The following TONSL variants were observed in gnomAD, a reference collection of about 807,000 sequenced individuals.
TONSL encodes tonsoku like, DNA repair protein.
TONSL carries 112 observed loss-of-function variants against 147.1 expected under a neutral mutation model. The ratio of observed to expected loss-of-function variants is 0.76; its 90% confidence interval spans 0.65 to 0.89. The LOEUF is 0.89. Among genes scored for constraint, TONSL ranks in the 40% least tolerant of loss-of-function variants. The pLI, the probability that TONSL is intolerant of heterozygous loss-of-function variation, is 0.00. For missense variants in TONSL, 1,883 were observed against 1,864.6 expected (o/e 1.01, Z -0.18); for synonymous variants, 868 against 801.5 (o/e 1.08, Z -1.40).
rs1554877920 is a variant in TONSL, at chr8:144,429,173, G to A, written c.4107C>T (p.His1369=). The change falls in exon 26 of 26, where the codon CAC becomes CAT. Residue 1369 remains histidine (H), a synonymous_variant. Transcript: ENST00000409379. The part of the protein sequence containing the change: ...RPGPGECTLD[H]GSKLFFRRL ...GGCGCCGAAAGAAGAGCTTGGAGCC[G>A]TGGTCCAGCGTGCACTCGCCGGGGC... 1.3e-6 allele frequency: 2 copies of A among 1,533,270 alleles called. No homozygotes were observed. The highest frequency in any genetic ancestry group is 1.7e-6 in the Non-Finnish European group (2 of 1,144,638). 95.0% of individuals were successfully genotyped at this position (1,533,270 alleles called of 1,614,324 possible). A position where few individuals can be genotyped will look rare whatever the true frequency, so the allele number is the denominator to read the frequency against.
Position 144,442,736 on chromosome 8 carries a change from C to T in TONSL, c.519G>A (p.Glu173=), listed in dbSNP as rs774869679. 9.3e-6 allele frequency: 15 copies of T among 1,612,972 alleles called. No homozygotes were observed. In the East Asian group the frequency reaches 3.1e-4, roughly 34 times the overall value. ...RLYLNLGLTF[E]SLQQTALCND... ...TGCACAGGGCTGTCTGCTGCAGGCT[C>T]TCAAAGGTGAGGCCCAGGTTGAGAT... is the stretch of plus-strand genomic sequence containing the variant. The change falls in exon 5 of 26, where the codon GAG becomes GAA. Residue 173 remains glutamate, a synonymous_variant. Transcript: ENST00000409379.
chr8:144,433,601 A>G lies in TONSL; in HGVS notation c.3546T>C (p.Gly1182=). The G allele has an allele frequency of 1.2e-6, 2 of 1,613,414 alleles. No individual in the cohort carries two copies. The highest frequency in any genetic ancestry group is 8.5e-7 in the Non-Finnish European group (1 of 1,179,940). The change falls in exon 22 of 26, where the codon GGT becomes GGC. Residue 1182 remains glycine (G), a synonymous_variant. Coordinates refer to ENST00000409379, the MANE Select transcript of TONSL (RefSeq NM_013432.5). The part of the protein sequence containing the change: ...SFFLSHQTAL[G]SAFQDAEHLK... ...TGGTCAGCTCACCTTGGAAAGCACT[A>G]CCCAGTGCTGTCTGGTGGCTCAGAA... is the stretch of plus-strand genomic sequence containing the variant.
At chr8:144,431,596 G>A (rs1823195922) in intron 23 of TONSL, among the ~76,000 whole-genome samples, 1 of 151,092 alleles carries the variant, frequency 6.6e-6, no homozygotes. Context: ...CTCACTGCAA[G>A]CTCCGCCTCC....
chr8:144,443,960 G>A lies in TONSL; in HGVS notation c.186C>T (p.Asp62=), dbSNP rs1213201054. 2.9e-5 allele frequency: 44 copies of A among 1,542,398 alleles called. No homozygotes were observed. Among genetic ancestry groups the A allele is most frequent in the Non-Finnish European group, 3.6e-5 (41 of 1,146,630 alleles). ...QELQLRERAD[D]PLGCAVAHRK... ...GGTGGGCCACGGCACAGCCCAGAGG[G>A]TCGTCAGCGCGCTCCCGAAGCTGCA... is the stretch of plus-strand genomic sequence containing the variant. Residue 62 remains aspartate, a synonymous_variant, in exon 3 of 26, where the codon GAC becomes GAT. Coordinates refer to ENST00000409379, the MANE Select transcript of TONSL (RefSeq NM_013432.5).
Position 144,436,635 on chromosome 8 carries a change from C to G in TONSL, c.1937G>C (p.Arg646Pro), listed in dbSNP as rs771375609. 4.3e-6 allele frequency: 7 copies of G among 1,612,044 alleles called. No individual in the cohort carries two copies. The highest frequency in any genetic ancestry group is 1.3e-5 in the African/African-American group (1 of 74,916). Residue 646 changes from arginine (R) to proline (P), a missense_variant, in exon 16 of 26, where the codon CGC becomes CCC. Transcript: ENST00000409379. ...ETLQQWVKLY[R>P]RDLDLETRQK... is the part of the protein sequence containing the mutation. ...CCGCGTCTCCAGGTCCAGGTCCCTG[C>G]GGTACAGCTTCACCCACTGCTGCAG...
In TONSL at chr8:144,430,435, C is replaced by T; in HGVS notation, c.3912G>A (p.Arg1304=). The T allele has an allele frequency of 1.2e-6, 2 of 1,611,790 alleles. No individual in the cohort carries two copies. The highest frequency in any genetic ancestry group is 1.7e-6 in the Non-Finnish European group (2 of 1,179,018). The change falls in exon 25 of 26, where the codon CGG becomes CGA. Residue 1304 remains arginine (R), a synonymous_variant. Transcript: ENST00000409379. The part of the protein sequence containing the change: ...LEELLSTLQK[R]PQGLSFLGLS... Reference sequence around the variant, plus strand: ...GGCCAAGGAAGCTAAGGCCTTGGGGCCGCTTTTGGAGGGTGGACAGGAGCT... The same window carrying T: ...GGCCAAGGAAGCTAAGGCCTTGGGGTCGCTTTTGGAGGGTGGACAGGAGCT...
chr8:144,432,363 C>G lies in TONSL; in HGVS notation c.3657G>C (p.Leu1219=). The G allele has an allele frequency of 6.2e-7, 1 of 1,613,320 alleles. No homozygotes were observed. Among genetic ancestry groups the G allele is most frequent in the Non-Finnish European group, 8.5e-7 (1 of 1,179,802 alleles). Residue 1219 remains leucine, a synonymous_variant, in exon 23 of 26, where the codon CTG becomes CTC. Transcript: ENST00000409379. ...CTGCCACGGAGCTGAGCTCTAAGTG[C>G]AGGAGGGTGCCGGCGGGCAGGCTCT... ...TLQSLPAGTL[L]HLELSSVAAG...
chr8:144,438,658 TC>T lies in TONSL; in HGVS notation c.1557del (p.Ser520AlafsTer30). ...ELQGHLGRRK[G>X]SKWNRRNDMG... ...GGGCAGGGCACTGTCCTCACCTTGC[TC>T]CCCTTCCGCCGGCCCAGGTGGCCCT... On this transcript the variant is annotated frameshift_variant, in exon 12 of 26. Transcript: ENST00000409379. LOFTEE classifies it high-confidence loss of function. The T allele has an allele frequency of 6.2e-7, 1 of 1,613,024 alleles. No individual in the cohort carries two copies. Among genetic ancestry groups the T allele is most frequent in the Non-Finnish European group, 8.5e-7 (1 of 1,179,916 alleles).
intron 24 of TONSL, among the ~76,000 whole-genome samples, 165 bp downstream of exon 24, chr8:144,430,913 C>T (rs1823160900): frequency 6.6e-6 from 1 of 152,244 alleles, no homozygotes; most frequent in South Asian, 2.1e-4. Flanking sequence ...AGAGGGTAGT[C>T]TGCCTTCCAG....
rs775987281 is a variant in TONSL, at chr8:144,437,137, C to A, written c.1654-38G>T. The A allele has an allele frequency of 1.6e-5, 26 of 1,596,160 alleles. No individual in the cohort carries two copies. The South Asian group carries it at 2.8e-4, about 17-fold the overall frequency. On this transcript the variant is annotated intron_variant, in intron 13 of 25. Coordinates refer to ENST00000409379, the MANE Select transcript of TONSL (RefSeq NM_013432.5). ...ACAGGAAGGAGCCTGGCCCTGTGTA[C>A]CTCACAGCCTGGCCCCAGCCCCGTG...
In TONSL at chr8:144,432,187, T is replaced by C. The variant is rs150910077; in HGVS notation, c.3735+98A>G. The C allele has an allele frequency of 1.7e-3, 2,308 of 1,344,878 alleles. 27 individuals are homozygous for C. The highest frequency in any genetic ancestry group is 0.015 in the African/African-American group (993 of 68,452). The allele number at this position is 1,344,878 out of a possible 1,614,324, so 83.3% of individuals were successfully genotyped here. On this transcript the variant is annotated intron_variant, in intron 23 of 25. Coordinates refer to ENST00000409379, the MANE Select transcript of TONSL (RefSeq NM_013432.5). ...TCTCTCTGTAGAGCCCCTCAGCGAG[T>C]TCAGCCCGAATCTGGGGAGAGGCGA...
chr8:144,437,053 T>G lies in TONSL; in HGVS notation c.1700A>C (p.His567Pro), dbSNP rs1443963767. 6.2e-7 allele frequency: 1 copy of G among 1,613,256 alleles called. No individual in the cohort carries two copies. The highest frequency in any genetic ancestry group is 8.5e-7 in the Non-Finnish European group (1 of 1,179,982). Residue 567 changes from histidine (H) to proline (P), a missense_variant, in exon 14 of 26, where the codon CAC becomes CCC. Physicochemically the swap from His to Pro is moderately conservative, Grantham distance 77. Transcript: ENST00000409379. ...TAGATGCCCGTAGTTGCAGGCCTCGTGCAGAGGTGTCCAGCCACAGTAGTC... is the reference window on the plus strand; with the variant it reads ...TAGATGCCCGTAGTTGCAGGCCTCGGGCAGAGGTGTCCAGCCACAGTAGTC... The part of the protein sequence containing the change: ...PRDYCGWTPL[H>P]EACNYGHLEI...
chr8:144,440,175 CAGCTG>C lies in TONSL; in HGVS notation c.1321_1325del (p.Gln441GlufsTer9). 1.2e-6 allele frequency: 2 copies of C among 1,610,042 alleles called. No homozygotes were observed. The highest frequency in any genetic ancestry group is 1.7e-6 in the Non-Finnish European group (2 of 1,178,898). On this transcript the variant is annotated frameshift_variant, in exon 11 of 26. Coordinates refer to ENST00000409379, the MANE Select transcript of TONSL (RefSeq NM_013432.5). LOFTEE classifies it high-confidence loss of function. Reference sequence around the variant, plus strand: ...CAGGGGCCTCCTGGGGCTGCAGCCTCAGCTGCACGGTATGGAGATGCTGCAAGACC... The same window carrying C: ...CAGGGGCCTCCTGGGGCTGCAGCCTCCACGGTATGGAGATGCTGCAAGACC...
In TONSL at chr8:144,441,008, C is replaced by T. The variant is rs141212804; in HGVS notation, c.969G>A (p.Lys323=). Residue 323 remains lysine (K), a synonymous_variant, in exon 8 of 26, where the codon AAG becomes AAA. Coordinates refer to ENST00000409379, the MANE Select transcript of TONSL (RefSeq NM_013432.5). ...ICEQLGDLFS[K]AGDFPRAAEA... ...CAGCTGCCCTGGGAAAGTCTCCTGCCTTGGAGAAGAGGTCCCCTAGCTGCT... is the reference window on the plus strand; with the variant it reads ...CAGCTGCCCTGGGAAAGTCTCCTGCTTTGGAGAAGAGGTCCCCTAGCTGCT... The T allele has an allele frequency of 9.6e-4, 1,543 of 1,613,164 alleles. 21 individuals are homozygous for T. The highest frequency in any genetic ancestry group is 8.5e-4 in the East Asian group (38 of 44,876).
In TONSL at chr8:144,429,352, G is replaced by A. The variant is rs782573642; in HGVS notation, c.3944-16C>T. ...ACGGCGCAGCCTGCGGAGGGGAAGAGGGCAGACCTCAGCGCTGCGGGGGCC... is the reference window on the plus strand; with the variant it reads ...ACGGCGCAGCCTGCGGAGGGGAAGAAGGCAGACCTCAGCGCTGCGGGGGCC... On this transcript the variant is annotated splice_polypyrimidine_tract_variant and intron_variant, in intron 25 of 25. Coordinates refer to ENST00000409379, the MANE Select transcript of TONSL (RefSeq NM_013432.5). 19 of 1,407,790 alleles carry A rather than the reference G, an allele frequency of 1.3e-5. No homozygotes were observed. Among genetic ancestry groups the A allele is most frequent in the Non-Finnish European group, 1.7e-5 (18 of 1,079,938 alleles). The allele number at this position is 1,407,790 out of a possible 1,614,324, so 87.2% of individuals were successfully genotyped here.
In TONSL at chr8:144,443,285, G is replaced by A. The variant is rs200649272; in HGVS notation, c.301C>T (p.Arg101Cys). The change falls in exon 4 of 26, where the codon CGC becomes TGC. Residue 101 changes from arginine to cysteine, a missense_variant. Transcript: ENST00000409379. ...GCCCTCTGCAGCTCCGTGTGGTTGC[G>A]CAGGGAATGTGCCAGCTCCAGGTAC... ...HQYLELAHSL[R>C]NHTELQRAWA... The A allele has an allele frequency of 9.8e-5, 152 of 1,550,616 alleles. No individual in the cohort carries two copies. The East Asian group carries it at 3.4e-3, about 34-fold the overall frequency.
chr8:144,438,199 C>T (rs1228987430), intron 13 of TONSL: 3 of 535,318 alleles, frequency 5.6e-6, no homozygotes, highest in South Asian at 2.2e-5. Flanking sequence ...CCCCGTGCAG[C>T]CTCCGCTTTT....
chr8:144,439,851 C>T (rs1352417896), intron 11 of TONSL, 170 bp downstream of exon 11: 3 of 561,172 alleles, frequency 5.3e-6, no homozygotes, highest in Admixed American at 3.6e-5. Flanking sequence ...CCCCAGGCTC[C>T]CTGCGGGTCA....
chr8:144,430,629 G>A, intron 24 of TONSL, 92 bp from the exon 25 acceptor site: 1 of 1,459,224 alleles, frequency 6.9e-7, no homozygotes. Context: ...GCCAGCTCAG[G>A]GAGCCTCGGG....
Sources: gnomAD v4.1 joint callset for allele counts (sites outside exome capture counted in the v4.1 genomes callset) on GRCh38, gnomAD v4.1.1 for gene constraint, MANE v1.5 for transcripts, NCBI Gene and HGNC (gene_info 2026-07-23, HGNC 2026-07-21) for gene names.